RBFOX1: variants seen among roughly 807,000 people sequenced by gnomAD.
The protein encoded by RBFOX1 is RNA binding protein fox-1 homolog 1.
A neutral mutation model predicts 57.7 loss-of-function variants in RBFOX1; 8 were observed. The observed-to-expected ratio is 0.14, with a 90% CI of 0.08 to 0.25. RBFOX1 has a LOEUF of 0.25. Ranked by LOEUF, RBFOX1 falls within the 10% of genes least tolerant of loss-of-function variation. The pLI is 1.00. For synonymous variants in RBFOX1, 326 were observed against 222.4 expected (o/e 1.47, Z -4.15); for missense variants, 611 against 548.5 (o/e 1.11, Z -1.14).
chr16:7,198,342 G>C (rs569980682), intron 4 of RBFOX1, among the ~76,000 whole-genome samples: 29 of 152,256 alleles, frequency 1.9e-4, no homozygotes, highest in Admixed American at 1.4e-3. Context: ...TGATGAAAAT[G>C]TTTTGAAACT....
At chr16:6,133,869 T>C (rs987049057) in intron 1 of RBFOX1, among the ~76,000 whole-genome samples, 2 of 152,182 alleles carry the variant, frequency 1.3e-5, no homozygotes, top group African/African-American at 4.8e-5. Context: ...AGTCTACTTC[T>C]AAATTACTGT....
chr16:7,471,060 A>G (rs2061464965), intron 4 of RBFOX1, among the ~76,000 whole-genome samples: 1 of 152,222 alleles, frequency 6.6e-6, no homozygotes, highest in South Asian at 2.1e-4. Context: ...GGAGAAAATA[A>G]GGAATAAAAT....
chr16:7,644,926 G>C (rs2063471020), intron 11 of RBFOX1, among the ~76,000 whole-genome samples: 1 of 152,064 alleles, frequency 6.6e-6, no homozygotes, highest in South Asian at 2.1e-4. Flanking sequence ...TTAGAGCCTG[G>C]ACAAAGGAGA....
chr16:5,595,584 T>G (rs752666065), intron 2 of RBFOX1, among the ~76,000 whole-genome samples: 1 of 152,162 alleles, frequency 6.6e-6, no homozygotes, highest in Non-Finnish European at 1.5e-5. Flanking sequence ...TCAAGAATTT[T>G]CATCTGAATG....
intron 1 of RBFOX1, among the ~76,000 whole-genome samples, chr16:5,425,769 C>G (rs779828447): frequency 9.9e-5 from 15 of 152,140 alleles, no homozygotes; most frequent in Non-Finnish European, 1.8e-4. Flanking sequence ...AGGTTCCCAC[C>G]TCTTCCAGAT....
intron 4 of RBFOX1, among the ~76,000 whole-genome samples, chr16:7,132,819 A>G (rs2070875821): frequency 6.6e-6 from 1 of 152,190 alleles, no homozygotes. Flanking sequence ...AATTGAAAAA[A>G]AAAGATACAT....
chr16:7,503,031 T>A lies in RBFOX1; in HGVS notation c.28-15116T>A, dbSNP rs116809260. Among the ~76,000 whole-genome samples, 1,146 of 152,060 alleles carry A rather than the reference T, an allele frequency of 7.5e-3. 6 individuals carry two copies. Among genetic ancestry groups the A allele is most frequent in the African/African-American group, 0.023 (964 of 41,474 alleles). ...GAGCAAGACTCTGTCTCAAAAAAAA[T>A]AAATAAATTATTCTAAATTTATCCA... On this transcript the variant is annotated intron_variant, in intron 4 of 15. Coordinates refer to ENST00000550418, the MANE Select transcript of RBFOX1 (RefSeq NM_018723.4).
At chr16:6,560,589 G>A (rs1016434604) in intron 2 of RBFOX1, among the ~76,000 whole-genome samples, 2 of 152,186 alleles carry the variant, frequency 1.3e-5, no homozygotes, top group South Asian at 4.1e-4. Context: ...AAGGTGAGGA[G>A]GAGGTGCAAA....
chr16:6,915,021 A>G (rs897509961), intron 3 of RBFOX1, among the ~76,000 whole-genome samples: 1 of 152,224 alleles, frequency 6.6e-6, no homozygotes, highest in Non-Finnish European at 1.5e-5. Flanking sequence ...AGGGTGGTGT[A>G]AGTCGGCTTT....
intron 1 of RBFOX1, among the ~76,000 whole-genome samples, chr16:6,058,947 T>C (rs1463937045): frequency 6.6e-6 from 1 of 152,204 alleles, no homozygotes; most frequent in African/African-American, 2.4e-5. Context: ...TAGCTTTCTT[T>C]TCTGTGAATC....
Position 6,999,205 on chromosome 16 carries a change from TA to T in RBFOX1, c.-15-52851del, listed in dbSNP as rs1181298287. 4.3e-4 allele frequency among the ~76,000 whole-genome samples: 40 copies of T among 92,996 alleles called. 1 individual carries two copies. In the East Asian group the frequency reaches 0.013, roughly 31 times the overall value. The allele number at this position is 92,996 out of a possible 152,430, so 61.0% of individuals were successfully genotyped here. A position where few individuals can be genotyped will look rare whatever the true frequency, so the allele number is the denominator to read the frequency against. ...TTTTATTTTATTTTATTTTATTTTT[TA>T]TTTTTATTTATTTTTTTTATTTATT... On this transcript the variant is annotated intron_variant, in intron 3 of 15. Coordinates refer to ENST00000550418, the MANE Select transcript of RBFOX1 (RefSeq NM_018723.4).
chr16:7,117,205 G>C (rs997164877), intron 4 of RBFOX1, among the ~76,000 whole-genome samples: 3 of 152,140 alleles, frequency 2.0e-5, no homozygotes, highest in East Asian at 3.9e-4. Flanking sequence ...TAAGCATTTT[G>C]GGCTTTGTAA....
chr16:5,424,831 C>CTCCTCTCTT (rs1378534528), intron 1 of RBFOX1, among the ~76,000 whole-genome samples: 5 of 145,832 alleles, frequency 3.4e-5, no homozygotes, highest in African/African-American at 5.6e-5. Flanking sequence ...CTCCTCTCCT[C>CTCCTCTCTT]TCTTTCTTTC....
chr16:5,714,477 G>C (rs1001566551), intron 3 of RBFOX1, among the ~76,000 whole-genome samples: 2 of 152,198 alleles, frequency 1.3e-5, no homozygotes, highest in African/African-American at 4.8e-5. Context: ...GCCAGCATCA[G>C]ACATGTGAGC....
At position 6,886,147 on chromosome 16, in the gene RBFOX1, C is replaced by T. The variant is rs529418867; in HGVS notation, c.-15-165910C>T. On this transcript the variant is annotated intron_variant, in intron 3 of 15. Transcript: ENST00000550418. ...CGTGATCTCGGCTCACTGCATCCTC[C>T]GCCCCCAGGGTTCAAGTGACTCTCC... Among the ~76,000 whole-genome samples, 186 of 151,218 alleles carry T rather than the reference C, an allele frequency of 1.2e-3. 1 individual carries two copies. The highest frequency in any genetic ancestry group is 3.2e-3 in the South Asian group (15 of 4,730).
At chr16:7,697,223 G>A (rs1336194757) in intron 14 of RBFOX1, among the ~76,000 whole-genome samples, 1 of 152,136 alleles carries the variant, frequency 6.6e-6, no homozygotes, top group Admixed American at 6.5e-5. Flanking sequence ...TGGGGTGGCT[G>A]TGGGTGAGAA....
In RBFOX1 at chr16:5,582,572, T is replaced by TTTTTTTTTTTTTTG. The variant is rs369563835; in HGVS notation, c.259-16330_259-16329insTTTTTTTTTTTTTG. On this transcript the variant is annotated intron_variant, in intron 2 of 2. Transcript: ENST00000585867. ...CTTTTTTTTTTTTTTTTTTTTTTTT[T>TTTTTTTTTTTTTTG]AAACGGAGTCTTTGTTGCCCAGGCT... Among the ~76,000 whole-genome samples the TTTTTTTTTTTTTTG allele has an allele frequency of 1.9e-5, 2 of 106,060 alleles. 1 individual carries two copies. The highest frequency in any genetic ancestry group is 7.7e-5 in the African/African-American group (2 of 25,864). The allele number at this position is 106,060 out of a possible 152,430, so 69.6% of individuals were successfully genotyped here.
At chr16:6,226,956 A>T (rs1008984436) in intron 1 of RBFOX1, among the ~76,000 whole-genome samples, 1 of 151,478 alleles carries the variant, frequency 6.6e-6, no homozygotes, top group South Asian at 2.1e-4. Flanking sequence ...TAAAAAAAAA[A>T]AAAAAAAAAA....
At chr16:6,387,006 G>A (rs112619197) in intron 2 of RBFOX1, among the ~76,000 whole-genome samples, 1 of 152,136 alleles carries the variant, frequency 6.6e-6, no homozygotes, top group Non-Finnish European at 1.5e-5. Context: ...GAGTACCCAG[G>A]AACATGACTG....
Sources: allele counts gnomAD v4.1 joint callset (sites outside exome capture counted in the v4.1 genomes callset), GRCh38; gene constraint gnomAD v4.1.1; transcripts MANE v1.5; gene names NCBI Gene and HGNC (gene_info 2026-07-23, HGNC 2026-07-21).